PHACTR1: variants seen among roughly 807,000 people sequenced by gnomAD.
PHACTR1 encodes the protein RPEL repeat containing 1.
Under a neutral mutation model 69.2 loss-of-function variants are expected in PHACTR1, and 16 were observed. That is an observed-to-expected ratio of 0.23 (90% CI 0.16 to 0.35). The LOEUF (loss-of-function observed/expected upper bound fraction) is 0.35, where lower values mean the gene tolerates loss of function less well. Among genes scored for constraint, PHACTR1 ranks in the 10% least tolerant of loss-of-function variants. The pLI is 1.00. For synonymous variants in PHACTR1, 312 were observed against 284.5 expected (o/e 1.10, Z -0.97); for missense variants, 510 against 734.7 (o/e 0.69, Z 3.54).
rs566935020 is a variant in PHACTR1 at position 13,058,517 on chromosome 6, C to T, written c.415+4988C>T. Among the ~76,000 whole-genome samples, 8 of 152,234 alleles carry T rather than the reference C, an allele frequency of 5.3e-5. No individual in the cohort carries two copies. The South Asian group carries it at 8.3e-4, about 16-fold the overall frequency. On this transcript the variant is annotated intron_variant, in intron 5 of 14. Coordinates refer to ENST00000332995, the MANE Select transcript of PHACTR1 (RefSeq NM_030948.6). ...TCTGGGTATATAGCCATGAGCCAAA[C>T]CAGACCTAGTCAGTGACCTCCTGGC...
At chr6:13,238,604 G>T (rs1255120680) in intron 10 of PHACTR1, among the ~76,000 whole-genome samples, 1 of 152,128 alleles carries the variant, frequency 6.6e-6, no homozygotes, top group Non-Finnish European at 1.5e-5. Flanking sequence ...CATTTTTTAT[G>T]CTTGTAGCAC....
At chr6:13,077,338 C>T (rs986062357) in intron 5 of PHACTR1, among the ~76,000 whole-genome samples, 2 of 152,180 alleles carry the variant, frequency 1.3e-5, no homozygotes, top group Non-Finnish European at 2.9e-5. Context: ...GCTCATATCT[C>T]AGTGAGTTGA....
At chr6:13,135,615 G>A (rs1392000347) in intron 5 of PHACTR1, among the ~76,000 whole-genome samples, 1 of 152,200 alleles carries the variant, frequency 6.6e-6, no homozygotes, top group African/African-American at 2.4e-5. Flanking sequence ...AAGCAGCTGT[G>A]ACCTTAAAAT....
chr6:13,228,188 G>C, intron 9 of PHACTR1, 125 bp downstream of exon 9: 2 of 1,260,974 alleles, frequency 1.6e-6, no homozygotes, highest in Non-Finnish European at 2.1e-6. Context: ...ACTGGTCCTG[G>C]GTCGTAGGGC....
At chr6:13,034,612 G>A (rs1005632552) in intron 4 of PHACTR1, among the ~76,000 whole-genome samples, 4 of 152,144 alleles carry the variant, frequency 2.6e-5, no homozygotes, top group African/African-American at 9.7e-5. Flanking sequence ...TGGTATTAGG[G>A]TTGGGGCTGG....
chr6:13,084,409 A>T (rs1811942362), intron 5 of PHACTR1, among the ~76,000 whole-genome samples: 1 of 150,600 alleles, frequency 6.6e-6, no homozygotes, highest in East Asian at 2.0e-4. Flanking sequence ...GCATTAGGAG[A>T]TATCCCTAAT....
At chr6:12,933,751 C>T in intron 4 of PHACTR1, 1 of 1,612,844 alleles carries the variant, frequency 6.2e-7, no homozygotes, top group Non-Finnish European at 8.5e-7. Context: ...TGAAGACAGC[C>T]CCTACATACA....
chr6:12,772,212 A>G (rs995342306), intron 4 of PHACTR1, among the ~76,000 whole-genome samples: 8 of 152,212 alleles, frequency 5.3e-5, no homozygotes, highest in African/African-American at 1.9e-4. Flanking sequence ...CACTTAGGTT[A>G]CATGCTTTCC....
intron 4 of PHACTR1, among the ~76,000 whole-genome samples, chr6:12,979,495 G>A (rs1795256790): frequency 6.6e-6 from 1 of 152,128 alleles, no homozygotes; most frequent in African/African-American, 2.4e-5. Flanking sequence ...GTGGGTCTCT[G>A]GTGGTCTGAC....
intron 5 of PHACTR1, among the ~76,000 whole-genome samples, chr6:13,128,000 G>A (rs897182134): frequency 4.0e-5 from 6 of 151,346 alleles, no homozygotes; most frequent in Non-Finnish European, 8.8e-5. Flanking sequence ...TTCACATGGC[G>A]GCCGGAAGGA....
At chr6:13,147,274 C>G (rs1823539791) in intron 5 of PHACTR1, among the ~76,000 whole-genome samples, 9 of 152,178 alleles carry the variant, frequency 5.9e-5, no homozygotes. Flanking sequence ...GTTCCCTGTG[C>G]AGGTTGGTGC....
chr6:13,251,223 G>A (rs184682154), intron 10 of PHACTR1, among the ~76,000 whole-genome samples: 3 of 152,196 alleles, frequency 2.0e-5, no homozygotes, highest in Non-Finnish European at 2.9e-5. Flanking sequence ...ACATCGGGTG[G>A]GATGCTGGCC....
chr6:12,824,013 G>T (rs1776503322), intron 4 of PHACTR1, among the ~76,000 whole-genome samples: 1 of 152,166 alleles, frequency 6.6e-6, no homozygotes. Context: ...GTTAGGAAGT[G>T]AGCTGCATAG....
intron 4 of PHACTR1, among the ~76,000 whole-genome samples, chr6:12,801,415 A>G (rs930781944): frequency 6.6e-6 from 1 of 152,218 alleles, no homozygotes; most frequent in Admixed American, 6.5e-5. Flanking sequence ...TGGCTTGGCC[A>G]TCTCATTATC....
intron 5 of PHACTR1, among the ~76,000 whole-genome samples, chr6:13,142,426 G>A (rs936609246): frequency 6.6e-6 from 1 of 152,146 alleles, no homozygotes; most frequent in Non-Finnish European, 1.5e-5. Flanking sequence ...GTTTTACTTT[G>A]GGTATGTGTA....
At chr6:13,124,721 C>T (rs540484445) in intron 5 of PHACTR1, among the ~76,000 whole-genome samples, 6 of 152,276 alleles carry the variant, frequency 3.9e-5, no homozygotes, top group African/African-American at 7.2e-5. Flanking sequence ...TAAGGGTGCC[C>T]GCATGGTGGG....
chr6:13,106,886 C>G (rs1816240132), intron 5 of PHACTR1, among the ~76,000 whole-genome samples: 1 of 152,048 alleles, frequency 6.6e-6, no homozygotes, highest in Non-Finnish European at 1.5e-5. Flanking sequence ...GTGATAAACA[C>G]CAGTCAGTTT....
chr6:12,744,549 C>T (rs1418784607), intron 3 of PHACTR1, among the ~76,000 whole-genome samples: 1 of 152,096 alleles, frequency 6.6e-6, no homozygotes, highest in Non-Finnish European at 1.5e-5. Context: ...AATATCATCC[C>T]TTCATGTTTC....
chr6:13,053,156 G>T (rs529244798), intron 4 of PHACTR1, among the ~76,000 whole-genome samples: 2 of 152,210 alleles, frequency 1.3e-5, no homozygotes, highest in South Asian at 4.2e-4. Context: ...AGCAAATTTG[G>T]TTGGGATGTT....
Sources: allele counts gnomAD v4.1 joint callset (sites outside exome capture counted in the v4.1 genomes callset), GRCh38; gene constraint gnomAD v4.1.1; transcripts MANE v1.5; gene names NCBI Gene and HGNC (gene_info 2026-07-23, HGNC 2026-07-21).